Variants in TPRG1 observed in about 807,000 individuals in gnomAD.
TPRG1 encodes tumor protein p63 regulated 1.
TPRG1 carries 29 observed loss-of-function variants against 29.3 expected under a neutral mutation model. The ratio of observed to expected loss-of-function variants is 0.99; its 90% confidence interval spans 0.74 to 1.35. The LOEUF (loss-of-function observed/expected upper bound fraction) is 1.35. Among genes scored for constraint, TPRG1 ranks in the 40% most tolerant of loss-of-function variants. The pLI is 0.00. For synonymous variants in TPRG1, 130 were observed against 116.8 expected (o/e 1.11, Z -0.73); for missense variants, 327 against 335.0 (o/e 0.98, Z 0.19).
At chr3:189,268,340 G>C (rs944886814) in intron 4 of TPRG1, among the ~76,000 whole-genome samples, 1 of 152,110 alleles carries the variant, frequency 6.6e-6, no homozygotes, top group Non-Finnish European at 1.5e-5. Context: ...CTATTTCTTG[G>C]CAAATCTCCG....
intron 4 of TPRG1, among the ~76,000 whole-genome samples, chr3:189,301,694 C>G (rs1720866169): frequency 6.6e-6 from 1 of 152,168 alleles, no homozygotes; most frequent in African/African-American, 2.4e-5. Flanking sequence ...AAGGCCCAGC[C>G]CCACTCTTGG....
intron 3 of TPRG1, among the ~76,000 whole-genome samples, chr3:189,142,206 G>A (rs1193891861): frequency 2.0e-5 from 3 of 152,164 alleles, no homozygotes; most frequent in African/African-American, 7.2e-5. Context: ...TTCCATCTTC[G>A]TGGTGATGCG....
chr3:189,075,517 C>T (rs1301506879), intron 4 of TPRG1, among the ~76,000 whole-genome samples: 2 of 152,116 alleles, frequency 1.3e-5, no homozygotes, highest in Admixed American at 1.3e-4. Context: ...AGTAGATGGG[C>T]CCATTGTCAG....
chr3:189,240,355 AAC>A (rs1257140717), intron 4 of TPRG1: 5 of 152,128 alleles, frequency 3.3e-5, no homozygotes, highest in African/African-American at 1.2e-4. Context: ...GGTGATAGTC[AAC>A]AGTTTCTTGT....
chr3:189,220,900 A>G (rs1335755931), intron 3 of TPRG1, among the ~76,000 whole-genome samples: 1 of 152,212 alleles, frequency 6.6e-6, no homozygotes, highest in Non-Finnish European at 1.5e-5. Context: ...GCAAATGTAT[A>G]TAACATTTAT....
chr3:189,110,954 C>T (rs992546175), intron 1 of TPRG1, among the ~76,000 whole-genome samples: 4 of 151,368 alleles, frequency 2.6e-5, no homozygotes, highest in African/African-American at 7.3e-5. Flanking sequence ...TTCTTTAATA[C>T]CAACTGGTTT....
intron 4 of TPRG1, among the ~76,000 whole-genome samples, chr3:189,035,179 A>G (rs1714181804): frequency 6.6e-6 from 1 of 152,172 alleles, no homozygotes; most frequent in Admixed American, 6.5e-5. Flanking sequence ...AATAACAAGT[A>G]ATAAGGAAAG....
chr3:189,319,843 A>G (rs1724097669), intron 5 of TPRG1, among the ~76,000 whole-genome samples: 1 of 152,094 alleles, frequency 6.6e-6, no homozygotes, highest in South Asian at 2.1e-4. Flanking sequence ...ACTTCTGTCT[A>G]AAAGGCGTTT....
chr3:189,267,637 TAA>T (rs1714345312), intron 4 of TPRG1: 1 of 150,754 alleles, frequency 6.6e-6, no homozygotes, highest in South Asian at 2.1e-4. Flanking sequence ...AAAAGTTGTT[TAA>T]GTAATCATGA....
chr3:189,119,727 GT>G (rs1398103391), intron 1 of TPRG1, among the ~76,000 whole-genome samples: 7 of 152,214 alleles, frequency 4.6e-5, no homozygotes, highest in Non-Finnish European at 8.8e-5. Flanking sequence ...AGAAGGACAT[GT>G]TTGCTTCCCC....
At chr3:189,159,459 AT>A (rs1727154727) in intron 5 of TPRG1, among the ~76,000 whole-genome samples, 1 of 152,174 alleles carries the variant, frequency 6.6e-6, no homozygotes, top group Non-Finnish European at 1.5e-5. Context: ...GTGAGAGATG[AT>A]TCTGGAGGAG....
chr3:189,015,326 C>T (rs1182717394), intron 3 of TPRG1, among the ~76,000 whole-genome samples: 1 of 152,050 alleles, frequency 6.6e-6, no homozygotes, highest in African/African-American at 2.4e-5. Context: ...TAACTGTGTA[C>T]AGTTATATGC....
At chr3:189,239,182 C>A (rs761901391) in intron 4 of TPRG1, among the ~76,000 whole-genome samples, 4 of 152,162 alleles carry the variant, frequency 2.6e-5, no homozygotes, top group Non-Finnish European at 5.9e-5. Flanking sequence ...GACAGTTCCA[C>A]ATGGCTGGGG....
intron 4 of TPRG1, among the ~76,000 whole-genome samples, chr3:189,087,162 G>C (rs1410403830): frequency 1.3e-5 from 2 of 152,136 alleles, no homozygotes; most frequent in Non-Finnish European, 2.9e-5. Context: ...ATCCTCTCCA[G>C]CACCTGTTTT....
chr3:189,312,115 TTG>T (rs1189213876), intron 5 of TPRG1, among the ~76,000 whole-genome samples: 1 of 69,008 alleles, frequency 1.4e-5, no homozygotes, highest in South Asian at 4.0e-4. Context: ...GTTTCTTTCT[TTG>T]TTTCTTTCTT....
At chr3:189,282,318 G>A (rs777948375) in intron 4 of TPRG1, among the ~76,000 whole-genome samples, 17 of 151,160 alleles carry the variant, frequency 1.1e-4, no homozygotes, top group Non-Finnish European at 2.1e-4. Flanking sequence ...TGCTCCATAA[G>A]TCATATCTTG....
At chr3:189,173,349 T>TC (rs917620759) in intron 1 of TPRG1, among the ~76,000 whole-genome samples, 2 of 149,250 alleles carry the variant, frequency 1.3e-5, no homozygotes, top group African/African-American at 4.9e-5. Flanking sequence ...CTTCTTTTTT[T>TC]TTTTTTTTGA....
intron 3 of TPRG1, among the ~76,000 whole-genome samples, chr3:189,230,594 C>T (rs1178649721): frequency 6.6e-6 from 1 of 152,146 alleles, no homozygotes; most frequent in Non-Finnish European, 1.5e-5. Context: ...TTCGCTTTAC[C>T]TAGAATACTA....
chr3:189,101,668 T>C (rs1305037598), intron 1 of TPRG1, among the ~76,000 whole-genome samples: 1 of 152,134 alleles, frequency 6.6e-6, no homozygotes, highest in African/African-American at 2.4e-5. Flanking sequence ...GCCTTGATCA[T>C]TGTGTATCTC....
Sources: gnomAD v4.1 joint callset for allele counts (sites outside exome capture counted in the v4.1 genomes callset) on GRCh38, gnomAD v4.1.1 for gene constraint, MANE v1.5 for transcripts, NCBI Gene and HGNC (gene_info 2026-07-23, HGNC 2026-07-21) for gene names.